Variants in PCDHGA2 observed in about 807,000 individuals in gnomAD.
PCDHGA2 encodes protocadherin gamma-A2.
In PCDHGA2, 40 loss-of-function variants were observed where a neutral mutation model predicts 59.2. That is an observed-to-expected ratio of 0.68 (90% CI 0.52 to 0.88). The LOEUF (loss-of-function observed/expected upper bound fraction) is 0.88, where lower values mean the gene tolerates loss of function less well. Among genes scored for constraint, PCDHGA2 ranks in the 40% least tolerant of loss-of-function variants. PCDHGA2 has a pLI of 0.00. For synonymous variants in PCDHGA2, 560 were observed against 526.0 expected (o/e 1.06, Z -0.89); for missense variants, 1,226 against 1,204.0 (o/e 1.02, Z -0.27).
At chr5:141,502,494 A>G (rs928571740) in intron 2 of PCDHGA2, among the ~76,000 whole-genome samples, 2 of 152,180 alleles carry the variant, frequency 1.3e-5, no homozygotes, top group South Asian at 2.1e-4. Context: ...GGACTCATCT[A>G]ACGTCGGCCT....
At chr5:141,387,843 G>A in intron 1 of PCDHGA2, 5 of 1,597,072 alleles carry the variant, frequency 3.1e-6, no homozygotes, top group Admixed American at 1.7e-5. Flanking sequence ...TTTGTAACCC[G>A]GCGTCTCCAG....
intron 1 of PCDHGA2, among the ~76,000 whole-genome samples, chr5:141,434,409 T>G (rs2097692930): frequency 6.6e-6 from 1 of 152,232 alleles, no homozygotes; most frequent in South Asian, 2.1e-4. Context: ...TCTGCAGCAC[T>G]GTGACATGTT....
chr5:141,393,683 G>T lies in PCDHGA2; in HGVS notation c.2424+52288G>T, dbSNP rs370409157. ...GGAAAATTAATGAAAAACAAACTCC[G>T]TTATTCCAGCTTAATGAAAATACTG... On this transcript the variant is annotated intron_variant, in intron 1 of 3. Transcript: ENST00000394576. The T allele has an allele frequency of 2.1e-5, 34 of 1,613,732 alleles. 1 individual carries two copies. The South Asian group carries it at 3.7e-4, about 18-fold the overall frequency.
At chr5:141,355,860 G>C (rs1289299237) in intron 1 of PCDHGA2, 3 of 1,612,220 alleles carry the variant, frequency 1.9e-6, no homozygotes, top group Non-Finnish European at 2.5e-6. Context: ...GAGGTGACCC[G>C]GTTCGCTCTG....
At position 141,490,356 on chromosome 5, in the gene PCDHGA2, T is replaced by C. The variant is rs771968534; in HGVS notation, c.2425-4451T>C. ...CAGTGGGCACAGTAGTGGGGTTGTT[T>C]AATGTGCGAGACCGGGACTCAGGTA... On this transcript the variant is annotated intron_variant, in intron 1 of 3. Coordinates refer to ENST00000394576, the MANE Select transcript of PCDHGA2 (RefSeq NM_018915.4). The surrounding 1 kb of genome is among the most constrained non-coding windows in gnomAD (Gnocchi z 5.4). 1.4e-5 allele frequency: 23 copies of C among 1,614,084 alleles called. No individual in the cohort carries two copies. Among genetic ancestry groups the C allele is most frequent in the Non-Finnish European group, 1.9e-5 (22 of 1,180,038 alleles).
chr5:141,376,100 G>A (rs772318189), intron 1 of PCDHGA2: 1 of 1,613,750 alleles, frequency 6.2e-7, no homozygotes, highest in Non-Finnish European at 8.5e-7. Flanking sequence ...CGACATCCTG[G>A]CCGACCTGGG....
rs1016658212 is a variant in PCDHGA2 at position 141,360,733 on chromosome 5, C to T, written c.2424+19338C>T. 14 of 1,613,854 alleles carry T rather than the reference C, an allele frequency of 8.7e-6. No individual in the cohort carries two copies. In the East Asian group the frequency reaches 8.9e-5, roughly 10 times the overall value. ...TCCTGAGTTGATTCTAAAACACTCTCTGGACAGAGAAGAGCACAGTTTACA... is the reference window on the plus strand; with the variant it reads ...TCCTGAGTTGATTCTAAAACACTCTTTGGACAGAGAAGAGCACAGTTTACA... On this transcript the variant is annotated intron_variant, in intron 1 of 3. Transcript: ENST00000394576.
intron 1 of PCDHGA2, chr5:141,398,054 A>C: frequency 1.3e-6 from 2 of 1,519,030 alleles, no homozygotes; most frequent in Non-Finnish European, 1.8e-6. Context: ...CGGAGATCCA[A>C]AAATCTACAA....
intron 1 of PCDHGA2, chr5:141,389,060 A>G (rs1164665785): frequency 3.7e-6 from 6 of 1,614,010 alleles, no homozygotes; most frequent in Non-Finnish European, 4.2e-6. Context: ...CATTTAAAAT[A>G]TTAACTTCTT....
At chr5:141,466,515 TTTTCCTCCCAAATTGA>T (rs2099124043) in intron 1 of PCDHGA2, among the ~76,000 whole-genome samples, 1 of 152,232 alleles carries the variant, frequency 6.6e-6, no homozygotes, top group Admixed American at 6.5e-5. Context: ...AGATCATTTT[TTTTCCTCCCAAATTGA>T]TGTAGATGGT....
chr5:141,461,429 T>A lies in PCDHGA2; in HGVS notation c.2425-33378T>A, dbSNP rs193056679. On this transcript the variant is annotated intron_variant, in intron 1 of 3. Coordinates refer to ENST00000394576, the MANE Select transcript of PCDHGA2 (RefSeq NM_018915.4). The stretch of plus-strand genomic sequence containing the variant: ...TTTTCATATGTTTGTGGGCCATTTG[T>A]ATACCTTCTTTTGAGAAATGGCTAT... Among the ~76,000 whole-genome samples the A allele has an allele frequency of 5.6e-4, 85 of 152,328 alleles. 1 individual carries two copies. The highest frequency in any genetic ancestry group is 1.5e-3 in the African/African-American group (64 of 41,580).
In PCDHGA2 at chr5:141,512,843, T is replaced by G. The variant is rs2099884463; in HGVS notation, c.*1670T>G. ...CCCTCCCCCGTACTGACTTCTCCTATAAGCGCTTCTCTTCGCATAGTCACG... is the reference window on the plus strand; with the variant it reads ...CCCTCCCCCGTACTGACTTCTCCTAGAAGCGCTTCTCTTCGCATAGTCACG... On this transcript the variant is annotated 3_prime_UTR_variant, in exon 4 of 4. Coordinates refer to ENST00000394576, the MANE Select transcript of PCDHGA2 (RefSeq NM_018915.4). 6.6e-6 allele frequency: 1 copy of G among 152,290 alleles called. No individual in the cohort carries two copies. The highest frequency in any genetic ancestry group is 1.5e-5 in the Non-Finnish European group (1 of 68,088). 9.4% of individuals were successfully genotyped at this position (152,290 alleles called of 1,614,324 possible).
intron 1 of PCDHGA2, chr5:141,402,972 G>C: frequency 6.2e-7 from 1 of 1,608,318 alleles, no homozygotes; most frequent in Non-Finnish European, 8.5e-7. Flanking sequence ...CCAACCAAAT[G>C]CCAGCTCCGC....
intron 1 of PCDHGA2, chr5:141,362,464 G>A: frequency 3.1e-6 from 5 of 1,614,038 alleles, no homozygotes; most frequent in Non-Finnish European, 3.4e-6. Context: ...ATTGGTTCCC[G>A]CGCAAGATCT....
In PCDHGA2 at chr5:141,344,151, G is replaced by C. The variant is rs76939403; in HGVS notation, c.2424+2756G>C. 1.1e-5 allele frequency: 17 copies of C among 1,614,062 alleles called. No individual in the cohort carries two copies. In the East Asian group the frequency reaches 3.8e-4, roughly 36 times the overall value. On this transcript the variant is annotated intron_variant, in intron 1 of 3. Transcript: ENST00000394576. ...CCGCTACTCGGTGTCTGAGGAGCTAGATAAAGGTTCCTTCGTGGGCAACAT... is the reference window on the plus strand; with the variant it reads ...CCGCTACTCGGTGTCTGAGGAGCTACATAAAGGTTCCTTCGTGGGCAACAT...
At position 141,394,145 on chromosome 5, in the gene PCDHGA2, C is replaced by T. The variant is rs754958885; in HGVS notation, c.2424+52750C>T. The T allele has an allele frequency of 3.7e-6, 6 of 1,613,962 alleles. No homozygotes were observed. The East Asian group carries it at 8.9e-5, about 24-fold the overall frequency. On this transcript the variant is annotated intron_variant, in intron 1 of 3. Transcript: ENST00000394576. ...CTCAAATCGCTCTGCACGTGGCAGA[C>T]ATTAACGACAACCCTCCTACTTTCC...
intron 1 of PCDHGA2, chr5:141,396,060 G>C (rs1309175410): frequency 6.6e-6 from 1 of 152,200 alleles, no homozygotes; most frequent in African/African-American, 2.4e-5. Flanking sequence ...CCAATTAGCT[G>C]TTTCGGTTGT....
intron 1 of PCDHGA2, chr5:141,475,917 C>T (rs1012431912): frequency 1.7e-6 from 1 of 599,962 alleles, no homozygotes. Context: ...AATGAAGACG[C>T]TGGAGATCGG....
intron 1 of PCDHGA2, among the ~76,000 whole-genome samples, chr5:141,460,958 T>C (rs182414946): frequency 8.2e-6 from 1 of 121,926 alleles, no homozygotes; most frequent in Non-Finnish European, 1.6e-5. Context: ...TATGTATATA[T>C]ATATGTGTGT....
Sources: gnomAD v4.1 joint callset for allele counts (sites outside exome capture counted in the v4.1 genomes callset) on GRCh38, gnomAD v4.1.1 for gene constraint, Gnocchi (gnomAD v3.1) non-coding constraint, MANE v1.5 for transcripts, NCBI Gene and HGNC (gene_info 2026-07-23, HGNC 2026-07-21) for gene names.